The following PRIM2 variants were observed in gnomAD, a reference collection of about 807,000 sequenced individuals.
The protein encoded by PRIM2 is DNA primase large subunit.
In PRIM2, 39 loss-of-function variants were observed where a neutral mutation model predicts 67.3. The ratio of observed to expected loss-of-function variants is 0.58; its 90% CI spans 0.45 to 0.76. The LOEUF is 0.76. Among genes scored for constraint, PRIM2 ranks in the 30% least tolerant of loss-of-function variants. The pLI, the probability that PRIM2 is intolerant of heterozygous loss-of-function variation, is 0.00. For missense variants in PRIM2, 398 were observed against 598.7 expected, an observed-to-expected ratio of 0.66 and a Z score of 3.50; for synonymous variants, 143 against 198.7, an observed-to-expected ratio of 0.72 and a Z score of 2.36.
chr6:57,541,432 G>C (rs1775150968), intron 10 of PRIM2, among the ~76,000 whole-genome samples: 1 of 151,874 alleles, frequency 6.6e-6, no homozygotes, highest in African/African-American at 2.4e-5. Flanking sequence ...TTACTTTATT[G>C]TGAGGTTACA....
intron 7 of PRIM2, among the ~76,000 whole-genome samples, chr6:57,477,799 G>T (rs1773510876): frequency 6.6e-6 from 1 of 152,200 alleles, no homozygotes; most frequent in Admixed American, 6.5e-5. Flanking sequence ...GATAACCTCT[G>T]TGAAGGATAA....
chr6:57,602,127 T>G lies in PRIM2; in HGVS notation c.1147+908T>G, dbSNP rs1776481445. On this transcript the variant is annotated intron_variant, in intron 11 of 13. Transcript: ENST00000615550. ...CAGGCTGGAGTGCAATGGCGCGATC[T>G]CGGCTCACTGCAGTCTCCACCTCCT... is the stretch of plus-strand genomic sequence containing the variant. 7.2e-5 allele frequency among the ~76,000 whole-genome samples: 11 copies of G among 151,772 alleles called. No individual in the cohort carries two copies. The South Asian group carries it at 2.3e-3, about 32-fold the overall frequency.
the PRIM2 span, among the ~76,000 whole-genome samples, chr6:57,255,565 G>T: frequency 6.6e-6 from 1 of 151,210 alleles, no homozygotes; most frequent in Non-Finnish European, 1.5e-5. Flanking sequence ...TATTTCCAAT[G>T]ATCAATGTTA....
At position 57,501,961 on chromosome 6, in the gene PRIM2, A is replaced by G. The variant is rs1226807203; in HGVS notation, c.694-5426A>G. On this transcript the variant is annotated intron_variant, in intron 7 of 13. Coordinates refer to ENST00000615550, the MANE Select transcript of PRIM2 (RefSeq NM_000947.5). ...GAACTTTGTGTGTTTGAAATTTTTA[A>G]TAATGTTGGGAAAATATATATTCAG... Among the ~76,000 whole-genome samples, 268 of 152,244 alleles carry G rather than the reference A, an allele frequency of 1.8e-3. 1 individual carries two copies. The highest frequency in any genetic ancestry group is 6.2e-3 in the African/African-American group (257 of 41,526).
At chr6:57,595,243 A>T in intron 10 of PRIM2, among the ~76,000 whole-genome samples, 1 of 152,202 alleles carries the variant, frequency 6.6e-6, no homozygotes. Context: ...ATATATACCT[A>T]CAAAAGTCAT....
At chr6:57,438,348 GGACT>G (rs2127383472) in intron 7 of PRIM2, among the ~76,000 whole-genome samples, 2 of 152,006 alleles carry the variant, frequency 1.3e-5, no homozygotes, top group South Asian at 4.1e-4. Context: ...TGAATCTGAG[GGACT>G]GTTATGAAAG....
At chr6:57,451,287 C>T (rs201589955) in intron 7 of PRIM2, among the ~76,000 whole-genome samples, 16,026 of 151,994 alleles carry the variant, frequency 0.11, 937 homozygotes, top group East Asian at 0.2. Flanking sequence ...ATTACAGGTG[C>T]CCACCACCAT....
chr6:57,504,882 A>G (rs1433634885), intron 7 of PRIM2, among the ~76,000 whole-genome samples: 2 of 152,210 alleles, frequency 1.3e-5, no homozygotes, highest in African/African-American at 2.4e-5. Flanking sequence ...CAAAGCAGGA[A>G]TTTGAAAAGC....
At chr6:57,237,280 AATTTGTTT>A in the PRIM2 span, among the ~76,000 whole-genome samples, 6 of 151,776 alleles carry the variant, frequency 4.0e-5, no homozygotes, top group Non-Finnish European at 7.4e-5. Flanking sequence ...TTTTCTTGTA[AATTTGTTT>A]GAGTTCATTG....
intron 7 of PRIM2, among the ~76,000 whole-genome samples, chr6:57,395,665 A>T (rs9475913): frequency 1.3e-5 from 2 of 151,898 alleles, no homozygotes; most frequent in South Asian, 4.1e-4. Context: ...GTTTCATTTA[A>T]TTCTGCTCTG....
At chr6:57,592,790 CAA>C (rs1181535156) in intron 10 of PRIM2, among the ~76,000 whole-genome samples, 5 of 111,192 alleles carry the variant, frequency 4.5e-5, no homozygotes, top group African/African-American at 3.4e-5. Flanking sequence ...GACTCTGTCT[CAA>C]AAAAAAAAAA....
chr6:57,280,862 A>C, the PRIM2 span, among the ~76,000 whole-genome samples: 9 of 152,230 alleles, frequency 5.9e-5, no homozygotes, highest in East Asian at 1.7e-3. Context: ...TCCATATATA[A>C]TTTACCACCT....
chr6:57,620,597 T>C (rs1440733829), intron 12 of PRIM2, among the ~76,000 whole-genome samples: 1 of 152,060 alleles, frequency 6.6e-6, no homozygotes, highest in African/African-American at 2.4e-5. Flanking sequence ...AGGAAACTCA[T>C]CAAAACAGAA....
chr6:57,412,360 C>T (rs1581879852), intron 7 of PRIM2, among the ~76,000 whole-genome samples: 2 of 151,374 alleles, frequency 1.3e-5, no homozygotes, highest in African/African-American at 4.9e-5. Flanking sequence ...AGACTTTTAC[C>T]CTGTTAGCAA....
chr6:57,605,554 G>T (rs1389927957), intron 11 of PRIM2, among the ~76,000 whole-genome samples: 1,856 of 151,998 alleles, frequency 0.012, 37 homozygotes, highest in African/African-American at 0.043. Flanking sequence ...TTTCTAATTT[G>T]TGAAAAATGC....
chr6:57,463,742 C>T (rs1473354094), intron 7 of PRIM2, among the ~76,000 whole-genome samples: 3 of 152,120 alleles, frequency 2.0e-5, no homozygotes, highest in East Asian at 1.9e-4. Flanking sequence ...CTCAAACCCA[C>T]GCAAGCTATA....
At chr6:57,378,102 C>A (rs1581843797) in intron 5 of PRIM2, among the ~76,000 whole-genome samples, 1 of 147,240 alleles carries the variant, frequency 6.8e-6, no homozygotes, top group East Asian at 1.9e-4. Flanking sequence ...GCTGTGTCAC[C>A]CAGACTGGAG....
chr6:57,286,198 A>G, the PRIM2 span, among the ~76,000 whole-genome samples: 1 of 152,196 alleles, frequency 6.6e-6, no homozygotes, highest in Admixed American at 6.5e-5. Flanking sequence ...TAATTTATAG[A>G]TTCAATGCTA....
the PRIM2 span, among the ~76,000 whole-genome samples, chr6:57,293,570 A>G: frequency 2.0e-5 from 3 of 152,230 alleles, no homozygotes; most frequent in Admixed American, 6.5e-5. Context: ...ACAATAGCAA[A>G]GACTTGGAAC....
Sources: gnomAD v4.1 joint callset for allele counts (sites outside exome capture counted in the v4.1 genomes callset) on GRCh38, gnomAD v4.1.1 for gene constraint, MANE v1.5 for transcripts, NCBI Gene and HGNC (gene_info 2026-07-23, HGNC 2026-07-21) for gene names.